SLC41A3: variants seen among roughly 807,000 people sequenced by gnomAD.
SLC41A3 encodes the protein solute carrier family 41 member 3, also known as SLC41A1-like 2.
A neutral mutation model predicts 45.4 loss-of-function variants in SLC41A3; 44 were observed. That is an observed-to-expected ratio of 0.97 (90% CI 0.76 to 1.25). SLC41A3 has a LOEUF of 1.25. Ranked by LOEUF, SLC41A3 falls within the 50% of genes most tolerant of loss-of-function variation. SLC41A3 has a pLI of 0.00. For synonymous variants in SLC41A3, 256 were observed against 252.4 expected (o/e 1.01, Z -0.13); for missense variants, 550 against 600.6 (o/e 0.92, Z 0.88).
In SLC41A3 at chr3:126,015,523, C is replaced by G. The variant is rs757711644; in HGVS notation, c.941G>C (p.Gly314Ala). 17 of 1,614,064 alleles carry G rather than the reference C, an allele frequency of 1.1e-5. No homozygotes were observed. Among genetic ancestry groups the G allele is most frequent in the Admixed American group, 1.0e-4 (6 of 60,014 alleles). Residue 314 changes from glycine to alanine, a missense_variant, in exon 8 of 11, where the codon GGC becomes GCC. Transcript: ENST00000360370. Reference protein sequence around the residue: ...SKTVSKQQYKGMAIFTPVICG... With the variant: ...SKTVSKQQYKAMAIFTPVICG... ...TATGACGGGGGTAAATATCGCCATG[C>G]CTTTGTACTGCTGTTTAGAAACGGT...
intron 1 of SLC41A3, among the ~76,000 whole-genome samples, chr3:126,071,559 A>G (rs139970426): frequency 5.5e-4 from 84 of 152,334 alleles, no homozygotes; most frequent in African/African-American, 1.9e-3. Flanking sequence ...AAACACATCT[A>G]TACAAAACAC....
chr3:126,054,982 T>G (rs1282004123), intron 2 of SLC41A3, among the ~76,000 whole-genome samples: 1 of 151,854 alleles, frequency 6.6e-6, no homozygotes, highest in East Asian at 2.0e-4. Flanking sequence ...CAAAAGGGGA[T>G]GAGCGTCCCA....
At chr3:126,071,735 C>T (rs7618515) in intron 1 of SLC41A3, among the ~76,000 whole-genome samples, 26,066 of 150,414 alleles carry the variant, frequency 0.17, 2,373 homozygotes, top group Middle Eastern at 0.27. Context: ...AACAGAAGGA[C>T]ATTTAGGAAA....
chr3:126,064,168 G>A (rs189045061), intron 2 of SLC41A3, among the ~76,000 whole-genome samples: 8 of 152,092 alleles, frequency 5.3e-5, no homozygotes, highest in Admixed American at 1.3e-4. Context: ...CTAAAACTAC[G>A]AAGTGCGGCC....
At chr3:126,053,827 T>C (rs944378154) in intron 2 of SLC41A3, among the ~76,000 whole-genome samples, 3 of 152,040 alleles carry the variant, frequency 2.0e-5, no homozygotes, top group South Asian at 2.1e-4. Context: ...ATCTCCAAAC[T>C]TCTCCTTGCC....
intron 1 of SLC41A3, among the ~76,000 whole-genome samples, chr3:126,083,512 G>A (rs1419271800): frequency 6.6e-6 from 1 of 152,178 alleles, no homozygotes; most frequent in Non-Finnish European, 1.5e-5. Flanking sequence ...GGCACCCCCA[G>A]GAGGTTTTCT....
intron 2 of SLC41A3, among the ~76,000 whole-genome samples, chr3:126,054,480 C>G (rs937816399): frequency 1.3e-5 from 2 of 152,158 alleles, no homozygotes; most frequent in African/African-American, 4.8e-5. Context: ...ACGGCACACC[C>G]TCTGAGCAGA....
Position 126,007,179 on chromosome 3 carries a change from C to T in SLC41A3, c.1301G>A (p.Trp434Ter). The change falls in exon 11 of 11, where the codon TGG (tryptophan) becomes TAG (stop). Residue 434 changes from tryptophan to a stop codon, truncating the protein, a stop_gained. Transcript: ENST00000360370. LOFTEE classifies it low-confidence loss of function (END_TRUNC). ...YLAEVMVRLT[W>*]HQALDPDNHC... ...GTTGTCAGGATCCAGGGCCTGGTGC[C>T]AAGTCAGCCGAACCATCACTTCTGC... The T allele has an allele frequency of 3.7e-6, 6 of 1,614,046 alleles. No homozygotes were observed. The highest frequency in any genetic ancestry group is 5.1e-6 in the Non-Finnish European group (6 of 1,179,916).
intron 1 of SLC41A3, among the ~76,000 whole-genome samples, chr3:126,094,077 C>A (rs866849458): frequency 9.9e-5 from 15 of 152,162 alleles, no homozygotes; most frequent in South Asian, 2.1e-4. Flanking sequence ...ACTTCTGTAC[C>A]TATAAATTTA....
chr3:126,035,631 G>T (rs1440147166), intron 3 of SLC41A3, among the ~76,000 whole-genome samples: 1 of 152,254 alleles, frequency 6.6e-6, no homozygotes, highest in Non-Finnish European at 1.5e-5. Flanking sequence ...AGTGAATTCA[G>T]TTGGGTATCA....
intron 7 of SLC41A3, 124 bp from the exon 8 acceptor site, chr3:126,015,697 T>C: frequency 1.1e-6 from 1 of 891,776 alleles, no homozygotes; most frequent in Non-Finnish European, 1.8e-6. Context: ...TCCTCTCCCC[T>C]ACACAAAATA....
chr3:126,061,520 C>T (rs1944067651), intron 2 of SLC41A3, among the ~76,000 whole-genome samples: 2 of 152,196 alleles, frequency 1.3e-5, no homozygotes, highest in Admixed American at 1.3e-4. Flanking sequence ...GTGTGAGCGG[C>T]ATGAGGGCAG....
intron 3 of SLC41A3, among the ~76,000 whole-genome samples, chr3:126,046,482 G>T (rs1559853001): frequency 6.6e-6 from 1 of 151,390 alleles, no homozygotes; most frequent in Non-Finnish European, 1.5e-5. Context: ...ATTCAAAAAA[G>T]AACTAAGAAA....
Position 126,036,628 on chromosome 3 carries a change from T to C in SLC41A3, c.382-2950A>G, listed in dbSNP as rs535899810. On this transcript the variant is annotated intron_variant, in intron 3 of 10. Coordinates refer to ENST00000360370, the MANE Select transcript of SLC41A3 (RefSeq NM_017836.4). Reference sequence around the variant, plus strand: ...GCTTCGCTGCCTCTTCTTGGTTTCCTGAATGAACCCTTCCTGAAACTCCGC... The same window carrying C: ...GCTTCGCTGCCTCTTCTTGGTTTCCCGAATGAACCCTTCCTGAAACTCCGC... Among the ~76,000 whole-genome samples the C allele has an allele frequency of 4.0e-5, 6 of 151,764 alleles. No homozygotes were observed. The South Asian group carries it at 6.3e-4, about 16-fold the overall frequency.
chr3:126,020,124 T>C (rs1940702205), intron 6 of SLC41A3, among the ~76,000 whole-genome samples: 1 of 152,058 alleles, frequency 6.6e-6, no homozygotes, highest in African/African-American at 2.4e-5. Context: ...TTATGACTTG[T>C]ACCTTCTGGA....
intron 1 of SLC41A3, chr3:126,095,449 ATAG>A (rs1553749411): frequency 8.3e-6 from 4 of 480,038 alleles, no homozygotes; most frequent in Non-Finnish European, 1.5e-5. Flanking sequence ...GAGTAATTTA[ATAG>A]TAGCTACGAT....
At position 126,049,580 on chromosome 3, in the gene SLC41A3, C is replaced by T. The variant is rs116776114; in HGVS notation, c.381+1363G>A. On this transcript the variant is annotated intron_variant, in intron 3 of 10. Coordinates refer to ENST00000360370, the MANE Select transcript of SLC41A3 (RefSeq NM_017836.4). ...CATTTTTTTCCCTCCCAAACACTGA[C>T]CAAAACAATTGTGCACACACGTATG... 1.3e-3 allele frequency among the ~76,000 whole-genome samples: 198 copies of T among 152,258 alleles called. 1 individual carries two copies. The highest frequency in any genetic ancestry group is 3.8e-3 in the African/African-American group (157 of 41,560).
At chr3:126,058,610 G>A (rs1943821604) in intron 2 of SLC41A3, among the ~76,000 whole-genome samples, 1 of 152,130 alleles carries the variant, frequency 6.6e-6, no homozygotes, top group South Asian at 2.1e-4. Context: ...ACGGCCCTTT[G>A]TCCCTCTAAT....
At chr3:126,042,917 A>G (rs535751000) in intron 3 of SLC41A3, among the ~76,000 whole-genome samples, 2 of 152,186 alleles carry the variant, frequency 1.3e-5, no homozygotes, top group Non-Finnish European at 2.9e-5. Context: ...AGAACACTCA[A>G]TTGTAATACA....
Sources: gnomAD v4.1 joint callset for allele counts (sites outside exome capture counted in the v4.1 genomes callset) on GRCh38, gnomAD v4.1.1 for gene constraint, MANE v1.5 for transcripts, NCBI Gene and HGNC (gene_info 2026-07-23, HGNC 2026-07-21) for gene names.